Variants in TMPRSS12 observed in about 807,000 individuals in gnomAD.
TMPRSS12 encodes transmembrane serine protease 12.
A neutral mutation model predicts 26.0 loss-of-function variants in TMPRSS12; 25 were observed. That is an observed-to-expected ratio of 0.96 (90% CI 0.70 to 1.34). The LOEUF (loss-of-function observed/expected upper bound fraction) is 1.34. Ranked by LOEUF, TMPRSS12 falls within the 40% of genes most tolerant of loss-of-function variation. The pLI is 0.00. For synonymous variants in TMPRSS12, 150 were observed against 161.7 expected (o/e 0.93, Z 0.55); for missense variants, 441 against 440.1 (o/e 1.00, Z -0.02).
chr12:50,863,666 T>C (rs967126425), intron 3 of TMPRSS12, among the ~76,000 whole-genome samples: 1 of 152,190 alleles, frequency 6.6e-6, no homozygotes, highest in Non-Finnish European at 1.5e-5. Flanking sequence ...AAGAAGCCAA[T>C]TTTAAAATGT....
chr12:50,855,452 A>G (rs1394208353), intron 2 of TMPRSS12, among the ~76,000 whole-genome samples: 1 of 152,232 alleles, frequency 6.6e-6, no homozygotes, highest in South Asian at 2.1e-4. Context: ...AACATATGAA[A>G]AAATGCTCAA....
Position 50,887,548 on chromosome 12 carries a change from AT to A in TMPRSS12, c.*37del, listed in dbSNP as rs775675807. On this transcript the variant is annotated 3_prime_UTR_variant, in exon 5 of 5. Coordinates refer to ENST00000398458, the MANE Select transcript of TMPRSS12 (RefSeq NM_182559.3). ...GAAGGCTTTCATATCTTTATTTTGC[AT>A]TGTGTCCCTTTCTATGTTCTATATA... 4 of 1,593,874 alleles carry A rather than the reference AT, an allele frequency of 2.5e-6. No individual in the cohort carries two copies. In the Admixed American group the frequency reaches 7.1e-5, roughly 28 times the overall value.
At chr12:50,860,470 C>G (rs1032453656) in intron 3 of TMPRSS12, among the ~76,000 whole-genome samples, 1 of 152,114 alleles carries the variant, frequency 6.6e-6, no homozygotes, top group Admixed American at 6.5e-5. Flanking sequence ...GGCTGGAGTG[C>G]AGTGGTATAA....
intron 2 of TMPRSS12, among the ~76,000 whole-genome samples, chr12:50,849,619 A>G (rs542785737): frequency 2.7e-4 from 41 of 152,218 alleles, no homozygotes; most frequent in African/African-American, 9.4e-4. Context: ...ATGTGATATA[A>G]AGAGAGTCAT....
chr12:50,873,733 T>G (rs921692146), intron 3 of TMPRSS12, among the ~76,000 whole-genome samples: 1 of 152,226 alleles, frequency 6.6e-6, no homozygotes, highest in African/African-American at 2.4e-5. Context: ...TACTGGCATC[T>G]GCTCAACATC....
chr12:50,876,985 T>C (rs531595723), intron 3 of TMPRSS12, among the ~76,000 whole-genome samples: 44 of 152,074 alleles, frequency 2.9e-4, no homozygotes, highest in African/African-American at 9.9e-4. Flanking sequence ...TTCTCACTTA[T>C]AAGTGGGAGG....
At chr12:50,880,475 A>G (rs979969394) in intron 3 of TMPRSS12, among the ~76,000 whole-genome samples, 1 of 152,126 alleles carries the variant, frequency 6.6e-6, no homozygotes, top group Non-Finnish European at 1.5e-5. Flanking sequence ...AGACTAACAA[A>G]TCAAGTGTTA....
chr12:50,867,555 G>A (rs1177448238), intron 3 of TMPRSS12, among the ~76,000 whole-genome samples: 1 of 152,154 alleles, frequency 6.6e-6, no homozygotes, highest in African/African-American at 2.4e-5. Context: ...TATATTTGGG[G>A]GAATAATCGA....
chr12:50,851,144 CAG>C (rs1306983529), intron 2 of TMPRSS12, among the ~76,000 whole-genome samples: 1 of 152,168 alleles, frequency 6.6e-6, no homozygotes, highest in African/African-American at 2.4e-5. Flanking sequence ...CCCAAAAAGC[CAG>C]AGTTTCTTCT....
chr12:50,885,537 C>T, intron 4 of TMPRSS12, 149 bp downstream of exon 4: 1 of 975,160 alleles, frequency 1.0e-6, no homozygotes, highest in Non-Finnish European at 1.6e-6. Flanking sequence ...TTCAACAATC[C>T]AAATCTTCTT....
At chr12:50,879,755 C>T (rs1938147106) in intron 3 of TMPRSS12, among the ~76,000 whole-genome samples, 1 of 152,042 alleles carries the variant, frequency 6.6e-6, no homozygotes, top group African/African-American at 2.4e-5. Flanking sequence ...ATCACTTGAG[C>T]TCAGGAGTTT....
At chr12:50,884,194 T>C (rs1938201423) in intron 3 of TMPRSS12, among the ~76,000 whole-genome samples, 1 of 152,168 alleles carries the variant, frequency 6.6e-6, no homozygotes, top group Admixed American at 6.5e-5. Context: ...GCAAACATCA[T>C]TACAGTAAAA....
In TMPRSS12 at chr12:50,844,057, C is replaced by G. The variant is rs759870383; in HGVS notation, c.383+20C>G. 21 of 1,498,474 alleles carry G rather than the reference C, an allele frequency of 1.4e-5. No individual in the cohort carries two copies. Among genetic ancestry groups the G allele is most frequent in the Non-Finnish European group, 1.7e-5 (19 of 1,124,802 alleles). The allele number at this position is 1,498,474 out of a possible 1,614,324, so 92.8% of individuals were successfully genotyped here. ...CGCTAGGTACGTATTCAGAACACAA[C>G]TATTTTTATGCTCTTAGGGGATATT... On this transcript the variant is annotated intron_variant, in intron 2 of 4. Transcript: ENST00000398458.
chr12:50,852,321 A>G (rs1386014386), intron 2 of TMPRSS12, among the ~76,000 whole-genome samples: 1 of 152,246 alleles, frequency 6.6e-6, no homozygotes, highest in Non-Finnish European at 1.5e-5. Flanking sequence ...TGACATCCAT[A>G]TGCTCAAAGT....
intron 2 of TMPRSS12, among the ~76,000 whole-genome samples, chr12:50,858,003 G>T (rs1288154268): frequency 6.6e-6 from 1 of 151,864 alleles, no homozygotes. Context: ...TAATTTTTTT[G>T]TTGTTGTTTT....
chr12:50,844,720 T>G (rs1468143179), intron 2 of TMPRSS12, among the ~76,000 whole-genome samples: 2 of 152,166 alleles, frequency 1.3e-5, no homozygotes, highest in Non-Finnish European at 2.9e-5. Flanking sequence ...ATAAAGGTAG[T>G]AAATATTTTA....
chr12:50,868,122 T>C (rs1445610258), intron 3 of TMPRSS12, among the ~76,000 whole-genome samples: 2 of 152,196 alleles, frequency 1.3e-5, no homozygotes, highest in South Asian at 2.1e-4. Flanking sequence ...AATAGCACGA[T>C]GAATGCAATG....
intron 3 of TMPRSS12, among the ~76,000 whole-genome samples, chr12:50,872,246 G>A (rs1230732337): frequency 6.6e-6 from 1 of 152,102 alleles, no homozygotes; most frequent in Admixed American, 6.6e-5. Context: ...GGGCGCGGTG[G>A]CTCACGCCTG....
At chr12:50,863,757 A>C (rs192952444) in intron 3 of TMPRSS12, among the ~76,000 whole-genome samples, 59 of 152,286 alleles carry the variant, frequency 3.9e-4, no homozygotes, top group Admixed American at 1.7e-3. Flanking sequence ...TAGGGTTAAG[A>C]AGGTTAGGTA....
Sources: gnomAD v4.1 joint callset for allele counts (sites outside exome capture counted in the v4.1 genomes callset) on GRCh38, gnomAD v4.1.1 for gene constraint, MANE v1.5 for transcripts, NCBI Gene and HGNC (gene_info 2026-07-23, HGNC 2026-07-21) for gene names.